The following WDPCP variants were observed in gnomAD, a reference collection of about 807,000 sequenced individuals.
The protein encoded by WDPCP is WD repeat-containing and planar cell polarity effector protein fritz homolog.
In WDPCP, 71 loss-of-function variants were observed where a neutral mutation model predicts 93.1. The observed-to-expected ratio is 0.76, with a 90% CI of 0.63 to 0.93. WDPCP has a LOEUF of 0.93. Among genes scored for constraint, WDPCP ranks in the 40% least tolerant of loss-of-function variants. The pLI is 0.00. For missense variants in WDPCP, 844 were observed against 887.4 expected (o/e 0.95, Z 0.62); for synonymous variants, 315 against 315.0 (o/e 1.00, Z 0.00).
intron 17 of WDPCP, among the ~76,000 whole-genome samples, chr2:63,145,984 G>T (rs1671471925): frequency 6.6e-6 from 1 of 152,160 alleles, no homozygotes; most frequent in Non-Finnish European, 1.5e-5. Context: ...GAATGGGATT[G>T]TGTTCCTGAT....
intron 2 of WDPCP, among the ~76,000 whole-genome samples, chr2:63,743,270 A>G (rs919556627): frequency 8.5e-5 from 13 of 152,116 alleles, no homozygotes; most frequent in African/African-American, 3.1e-4. Context: ...TTCCCTACCT[A>G]ATCATTCTTC....
chr2:63,832,439 A>G (rs1015400114), upstream of WDPCP, among the ~76,000 whole-genome samples: 34 of 141,526 alleles, frequency 2.4e-4, no homozygotes, highest in African/African-American at 7.6e-4. Context: ...TGGGGGGGGG[A>G]AATTCCACCT....
chr2:63,259,381 C>G lies in WDPCP; in HGVS notation c.1841G>C (p.Gly614Ala). 6.2e-7 allele frequency: 1 copy of G among 1,612,096 alleles called. No homozygotes were observed. The highest frequency in any genetic ancestry group is 8.5e-7 in the Non-Finnish European group (1 of 1,179,538). Residue 614 changes from glycine (G) to alanine (A), a missense_variant, in exon 14 of 18, where the codon GGT (glycine) becomes GCT (alanine). Physicochemically the swap from Gly to Ala is moderately conservative, Grantham distance 60. Transcript: ENST00000272321. ...TGCCACTTCAGCTAGTGCCAATTCA[C>G]CTTTATCTAGTGCAAGGTAATGAAT... is the stretch of plus-strand genomic sequence containing the variant. ...MDIHYLALDK[G>A]ELALAEVARK...
intron 1 of WDPCP, among the ~76,000 whole-genome samples, chr2:63,579,051 T>G (rs566613707): frequency 1.3e-5 from 2 of 152,314 alleles, no homozygotes; most frequent in East Asian, 3.9e-4. Context: ...TGAGGTGGTC[T>G]CTGTTCCTTA....
chr2:63,588,907 A>G (rs1301409433), upstream of WDPCP: 11 of 1,201,656 alleles, frequency 9.2e-6, no homozygotes, highest in Non-Finnish European at 1.3e-5. Context: ...TACAGTTCCC[A>G]GAGAGCGCCG....
At chr2:63,753,678 C>T (rs573442245) in intron 2 of WDPCP, among the ~76,000 whole-genome samples, 31 of 152,236 alleles carry the variant, frequency 2.0e-4, no homozygotes, top group South Asian at 8.3e-4. Context: ...ATATCTCACT[C>T]TAGCTATGAT....
chr2:63,664,930 T>G (rs1460395329), intron 2 of WDPCP, among the ~76,000 whole-genome samples: 2 of 152,206 alleles, frequency 1.3e-5, no homozygotes, highest in Non-Finnish European at 2.9e-5. Flanking sequence ...CTAGGACTTA[T>G]GCTCTTACCA....
chr2:63,159,019 G>A (rs1672469308), intron 15 of WDPCP, among the ~76,000 whole-genome samples: 1 of 150,098 alleles, frequency 6.7e-6, no homozygotes, highest in Non-Finnish European at 1.5e-5. Flanking sequence ...AGCAGGGTGT[G>A]GCGGCATGCC....
intron 17 of WDPCP, among the ~76,000 whole-genome samples, chr2:63,129,431 T>C (rs1221939301): frequency 1.3e-5 from 2 of 152,244 alleles, no homozygotes. Context: ...CACATCCTTA[T>C]CAACACTTTT....
At chr2:63,505,068 C>T (rs1005340021) in intron 1 of WDPCP, among the ~76,000 whole-genome samples, 1 of 151,938 alleles carries the variant, frequency 6.6e-6, no homozygotes, top group Admixed American at 6.6e-5. Context: ...CCATTAAGTT[C>T]TCAGCCCCTT....
chr2:63,166,665 T>G (rs1038907506), intron 15 of WDPCP, among the ~76,000 whole-genome samples: 1 of 152,120 alleles, frequency 6.6e-6, no homozygotes, highest in Non-Finnish European at 1.5e-5. Flanking sequence ...AATGTTGGGA[T>G]TACAGGCATT....
chr2:63,765,159 A>G (rs1444633203), intron 2 of WDPCP, among the ~76,000 whole-genome samples: 3 of 152,252 alleles, frequency 2.0e-5, no homozygotes, highest in Non-Finnish European at 4.4e-5. Flanking sequence ...TAAAGACTAC[A>G]GAGGAATAGT....
chr2:63,204,776 C>T (rs562295691), intron 14 of WDPCP, among the ~76,000 whole-genome samples: 33 of 151,844 alleles, frequency 2.2e-4, no homozygotes, highest in Non-Finnish European at 3.8e-4. Context: ...GGGTAGTTTG[C>T]GGTATTTTCC....
chr2:63,146,571 G>T (rs1442833436), intron 17 of WDPCP, among the ~76,000 whole-genome samples: 1 of 152,112 alleles, frequency 6.6e-6, no homozygotes, highest in East Asian at 1.9e-4. Flanking sequence ...TAGAGATGGG[G>T]TTTCCATGTT....
intron 12 of WDPCP, among the ~76,000 whole-genome samples, chr2:63,340,265 A>T (rs1688741560): frequency 6.6e-6 from 1 of 152,058 alleles, no homozygotes; most frequent in Non-Finnish European, 1.5e-5. Flanking sequence ...GCCTGTCCCA[A>T]ATGGTGCGGT....
intron 2 of WDPCP, among the ~76,000 whole-genome samples, chr2:63,744,062 T>G (rs978725415): frequency 1.3e-5 from 2 of 152,140 alleles, no homozygotes; most frequent in African/African-American, 4.8e-5. Flanking sequence ...TGTGGAGGGA[T>G]AGTAGACAGA....
chr2:63,196,702 G>GA (rs1307162333), intron 14 of WDPCP, among the ~76,000 whole-genome samples: 1 of 152,174 alleles, frequency 6.6e-6, no homozygotes. Context: ...GAAAATCATT[G>GA]AGAAGAAAGG....
At chr2:63,501,605 T>G (rs1487350438) in intron 1 of WDPCP, among the ~76,000 whole-genome samples, 3 of 152,136 alleles carry the variant, frequency 2.0e-5, no homozygotes, top group Non-Finnish European at 4.4e-5. Context: ...GGCCTCTGTC[T>G]GGTCCTTTGT....
chr2:63,406,308 G>A (rs12470121), intron 9 of WDPCP, among the ~76,000 whole-genome samples: 63,062 of 151,928 alleles, frequency 0.42, 13,352 homozygotes, highest in Non-Finnish European at 0.43. Flanking sequence ...AACATAAACT[G>A]CCATAGGATC....
Sources: gnomAD v4.1 joint callset for allele counts (sites outside exome capture counted in the v4.1 genomes callset) on GRCh38, gnomAD v4.1.1 for gene constraint, MANE v1.5 for transcripts, NCBI Gene and HGNC (gene_info 2026-07-23, HGNC 2026-07-21) for gene names.